The following SCHIP1 variants were observed in gnomAD, a reference collection of about 807,000 sequenced individuals.
SCHIP1 encodes schwannomin interacting protein 1, also known as schwannomin-interacting protein 1.
A neutral mutation model predicts 29.7 loss-of-function variants in SCHIP1; 8 were observed. The ratio of observed to expected loss-of-function variants is 0.27; its 90% confidence interval spans 0.16 to 0.49. The LOEUF (loss-of-function observed/expected upper bound fraction) is 0.49. SCHIP1 is among the 20% of genes least tolerant of loss of function. The probability of loss-of-function intolerance (pLI) is 0.99; values close to 1 mark genes in which losing one functional copy is unlikely to be tolerated. For missense variants in SCHIP1, 193 were observed against 294.6 expected (o/e 0.66, Z 2.52); for synonymous variants, 76 against 94.9 (o/e 0.80, Z 1.16).
the SCHIP1 span, among the ~76,000 whole-genome samples, chr3:159,633,078 T>G: frequency 3.9e-5 from 6 of 152,192 alleles, no homozygotes; most frequent in Non-Finnish European, 8.8e-5. Context: ...GACCACACCC[T>G]GAAATTCCAC....
the SCHIP1 span, among the ~76,000 whole-genome samples, chr3:159,834,838 A>C: frequency 1.3e-5 from 2 of 152,350 alleles, no homozygotes; most frequent in Non-Finnish European, 1.5e-5. Context: ...TGAAACAAAA[A>C]TGAATCTCGT....
the SCHIP1 span, among the ~76,000 whole-genome samples, chr3:159,592,897 A>G: frequency 2.0e-5 from 3 of 152,128 alleles, no homozygotes; most frequent in African/African-American, 7.2e-5. Context: ...TCCAGAGTGG[A>G]AGATCTTGCC....
At chr3:159,360,949 A>G in the SCHIP1 span, among the ~76,000 whole-genome samples, 1 of 152,138 alleles carries the variant, frequency 6.6e-6, no homozygotes, top group African/African-American at 2.4e-5. Context: ...GGATTTCTCT[A>G]TCCTCCTCAG....
At chr3:159,396,440 A>G in the SCHIP1 span, among the ~76,000 whole-genome samples, 2 of 146,742 alleles carry the variant, frequency 1.4e-5, no homozygotes, top group Non-Finnish European at 3.0e-5. Flanking sequence ...TTTTGGCATG[A>G]TTTTGCAGCG....
At chr3:159,529,833 A>G in the SCHIP1 span, among the ~76,000 whole-genome samples, 1 of 152,154 alleles carries the variant, frequency 6.6e-6, no homozygotes, top group Non-Finnish European at 1.5e-5. Flanking sequence ...TTTAGATCCT[A>G]CATATGAGTG....
the SCHIP1 span, among the ~76,000 whole-genome samples, chr3:159,580,889 T>G: frequency 6.6e-6 from 1 of 152,174 alleles, no homozygotes; most frequent in African/African-American, 2.4e-5. Context: ...CCCATGCACT[T>G]TCCATGATCC....
the SCHIP1 span, among the ~76,000 whole-genome samples, chr3:159,808,798 A>G: frequency 2.0e-5 from 3 of 152,068 alleles, no homozygotes; most frequent in African/African-American, 7.2e-5. Flanking sequence ...CCTCTACTAA[A>G]AATACAAAAT....
the SCHIP1 span, among the ~76,000 whole-genome samples, chr3:159,370,082 A>G: frequency 1.3e-5 from 2 of 152,208 alleles, no homozygotes; most frequent in African/African-American, 2.4e-5. Flanking sequence ...ATGCACATTT[A>G]TAAATGAATG....
chr3:159,353,866 C>T, the SCHIP1 span, among the ~76,000 whole-genome samples: 1 of 152,126 alleles, frequency 6.6e-6, no homozygotes, highest in Non-Finnish European at 1.5e-5. Context: ...TGAAATGCAA[C>T]ATCAGTTCCA....
chr3:159,820,508 G>T, the SCHIP1 span, among the ~76,000 whole-genome samples: 1 of 152,072 alleles, frequency 6.6e-6, no homozygotes, highest in East Asian at 1.9e-4. Context: ...TATCAATATG[G>T]TATAGAATAT....
the SCHIP1 span, among the ~76,000 whole-genome samples, chr3:159,660,872 C>A: frequency 1.3e-5 from 2 of 152,194 alleles, no homozygotes; most frequent in African/African-American, 4.8e-5. Flanking sequence ...CAGAATCAGG[C>A]AGCAGTCTGC....
the SCHIP1 span, among the ~76,000 whole-genome samples, chr3:159,319,553 G>A: frequency 6.6e-6 from 1 of 152,184 alleles, no homozygotes; most frequent in Non-Finnish European, 1.5e-5. Context: ...TTGTGACTGA[G>A]AACTGGACCA....
chr3:159,810,806 C>G, the SCHIP1 span, among the ~76,000 whole-genome samples: 5 of 152,052 alleles, frequency 3.3e-5, no homozygotes, highest in Admixed American at 2.0e-4. Flanking sequence ...GTTTCCATTT[C>G]TCTTGGGTAG....
chr3:159,273,642 G>C, the SCHIP1 span: 1 of 1,354,470 alleles, frequency 7.4e-7, no homozygotes, highest in Admixed American at 3.3e-5. Context: ...ACTTTGAGCT[G>C]CTTGAGCATG....
the SCHIP1 span, among the ~76,000 whole-genome samples, chr3:159,736,859 T>C: frequency 8.5e-5 from 13 of 152,080 alleles, no homozygotes; most frequent in Admixed American, 2.0e-4. Flanking sequence ...CTCAGTCTCC[T>C]GAGTAGCTGG....
the SCHIP1 span, among the ~76,000 whole-genome samples, chr3:159,545,677 ATAG>A: frequency 2.0e-4 from 30 of 147,898 alleles, no homozygotes; most frequent in South Asian, 4.8e-3. Flanking sequence ...TATATAATAT[ATAG>A]TATTATATAA....
the SCHIP1 span, among the ~76,000 whole-genome samples, chr3:159,810,929 G>T: frequency 2.6e-5 from 4 of 152,324 alleles, no homozygotes; most frequent in African/African-American, 9.6e-5. Context: ...CATCGGCAAT[G>T]TATGAGGCTT....
At chr3:159,421,549 C>T in the SCHIP1 span, among the ~76,000 whole-genome samples, 4 of 152,166 alleles carry the variant, frequency 2.6e-5, no homozygotes, top group Non-Finnish European at 5.9e-5. Flanking sequence ...GGTTGAGGTG[C>T]AACATGTGTG....
chr3:159,612,037 C>CA, the SCHIP1 span, among the ~76,000 whole-genome samples: 458 of 151,952 alleles, frequency 3.0e-3, 2 homozygotes, highest in African/African-American at 0.01. Flanking sequence ...CTGTTAAAAT[C>CA]AAAACTTTAC....
Sources: gnomAD v4.1 joint callset for allele counts (sites outside exome capture counted in the v4.1 genomes callset) on GRCh38, gnomAD v4.1.1 for gene constraint, MANE v1.5 for transcripts, NCBI Gene and HGNC (gene_info 2026-07-23, HGNC 2026-07-21) for gene names.